Variants in LIMCH1 observed in about 807,000 individuals in gnomAD.
LIMCH1 encodes LIM and calponin homology domains-containing protein 1.
LIMCH1 carries 113 observed loss-of-function variants against 176.5 expected under a neutral mutation model. The ratio of observed to expected loss-of-function variants is 0.64; its 90% CI spans 0.55 to 0.75. The LOEUF is 0.75. Among genes scored for constraint, LIMCH1 ranks in the 30% least tolerant of loss-of-function variants. The probability of loss-of-function intolerance (pLI) is 0.00; values close to 1 mark genes in which losing one functional copy is unlikely to be tolerated. For missense variants in LIMCH1, 1,674 were observed against 1,814.9 expected (o/e 0.92, Z 1.41); for synonymous variants, 619 against 645.9 (o/e 0.96, Z 0.63).
chr4:41,431,006 G>A (rs1241668014), intron 1 of LIMCH1, among the ~76,000 whole-genome samples: 1 of 152,164 alleles, frequency 6.6e-6, no homozygotes, highest in Non-Finnish European at 1.5e-5. Flanking sequence ...ATTTAAAATA[G>A]CAGACATCTG....
At chr4:41,608,802 A>T (rs1191005922) in intron 4 of LIMCH1, among the ~76,000 whole-genome samples, 2 of 152,136 alleles carry the variant, frequency 1.3e-5, no homozygotes, top group Admixed American at 1.3e-4. Context: ...AAGAATATTA[A>T]GATTGAAGGG....
At chr4:41,564,001 C>T (rs1231216076) in intron 1 of LIMCH1, among the ~76,000 whole-genome samples, 1 of 152,152 alleles carries the variant, frequency 6.6e-6, no homozygotes, top group East Asian at 1.9e-4. Context: ...CTCTGTTTTA[C>T]ACTTCAGGAA....
At chr4:41,672,798 C>G (rs973063335) in intron 22 of LIMCH1, among the ~76,000 whole-genome samples, 2 of 152,146 alleles carry the variant, frequency 1.3e-5, no homozygotes, top group Non-Finnish European at 2.9e-5. Flanking sequence ...CATGAGCAAC[C>G]CTGGCTCAGC....
In LIMCH1 at chr4:41,671,567, C is replaced by T; in HGVS notation, c.3411C>T (p.Ser1137=). ...PNLNSQVDSP[S]SEKSPVMTPF... ...TTTTCTGTGCAGTGGATTCTCCAAGCAGTGAGAAGTCACCTGTTATGACAC... is the reference window on the plus strand; with the variant it reads ...TTTTCTGTGCAGTGGATTCTCCAAGTAGTGAGAAGTCACCTGTTATGACAC... The change falls in exon 22 of 32, where the codon AGC becomes AGT. Residue 1137 remains serine, a synonymous_variant. Coordinates refer to ENST00000503057, the MANE Select transcript of LIMCH1 (RefSeq NM_001330672.2). 2 of 1,604,648 alleles carry T rather than the reference C, an allele frequency of 1.2e-6. No individual in the cohort carries two copies. The highest frequency in any genetic ancestry group is 1.7e-6 in the Non-Finnish European group (2 of 1,171,744).
chr4:41,638,805 C>A lies in LIMCH1; in HGVS notation c.2091-127C>A, dbSNP rs984075127. On this transcript the variant is annotated intron_variant, in intron 13 of 31. Coordinates refer to ENST00000503057, the MANE Select transcript of LIMCH1 (RefSeq NM_001330672.2). The stretch of plus-strand genomic sequence containing the variant: ...TATTGCTAATTGTATAATGCCATTT[C>A]TCTTTCAGTATCTCAGCAAAAAAGG... 14 of 778,502 alleles carry A rather than the reference C, an allele frequency of 1.8e-5. No individual in the cohort carries two copies. The African/African-American group carries it at 2.4e-4, about 14-fold the overall frequency. 48.2% of individuals were successfully genotyped at this position (778,502 alleles called of 1,614,324 possible).
Position 41,698,979 on chromosome 4 carries a change from TAAAAATAA to T in LIMCH1, c.*1800_*1807del, listed in dbSNP as rs1732052921. On this transcript the variant is annotated 3_prime_UTR_variant, in exon 32 of 32. Transcript: ENST00000503057. ...GTGTTTGCTGTTTTACAGGAAAAAA[TAAAAATAA>T]AAAAAGAAAAAAAGAAAAAATTAAA... is the stretch of plus-strand genomic sequence containing the variant. The T allele has an allele frequency of 1.3e-5, 2 of 151,666 alleles. No homozygotes were observed. The highest frequency in any genetic ancestry group is 4.9e-5 in the African/African-American group (2 of 41,134). 9.4% of individuals were successfully genotyped at this position (151,666 alleles called of 1,614,324 possible).
intron 12 of LIMCH1, among the ~76,000 whole-genome samples, 176 bp downstream of exon 12, chr4:41,633,261 C>T (rs946563490): frequency 3.3e-5 from 5 of 152,044 alleles, no homozygotes; most frequent in African/African-American, 9.7e-5. Context: ...TTCTGGTGCC[C>T]GCTCTGGGTA....
intron 1 of LIMCH1, among the ~76,000 whole-genome samples, chr4:41,451,485 C>T (rs1405330224): frequency 2.0e-5 from 3 of 152,072 alleles, no homozygotes; most frequent in Non-Finnish European, 4.4e-5. Flanking sequence ...GCTCACAGAT[C>T]CCCCGTCCTG....
chr4:41,571,931 C>A (rs1449178623), intron 1 of LIMCH1, among the ~76,000 whole-genome samples: 1 of 152,114 alleles, frequency 6.6e-6, no homozygotes, highest in Non-Finnish European at 1.5e-5. Context: ...TGCCTTATAG[C>A]AAGCAGCCTT....
chr4:41,390,369 C>G (rs755080369), intron 1 of LIMCH1, among the ~76,000 whole-genome samples: 3 of 151,632 alleles, frequency 2.0e-5, no homozygotes, highest in Admixed American at 1.3e-4. Flanking sequence ...CTGTTTGTTT[C>G]TTCTGTGTTT....
chr4:41,394,490 G>T (rs2057591006), intron 1 of LIMCH1, among the ~76,000 whole-genome samples: 1 of 152,152 alleles, frequency 6.6e-6, no homozygotes, highest in South Asian at 2.1e-4. Context: ...TCTGCAAGCT[G>T]TAAAAGCTGT....
rs12108257 is a variant in LIMCH1 at position 41,597,846 on chromosome 4, A to C, written c.-240-1074A>C. Among the ~76,000 whole-genome samples the C allele has an allele frequency of 2.0e-5, 3 of 152,150 alleles. No homozygotes were observed. The East Asian group carries it at 5.8e-4, about 29-fold the overall frequency. On this transcript the variant is annotated intron_variant, in intron 1 of 31. Coordinates refer to ENST00000503057, the MANE Select transcript of LIMCH1 (RefSeq NM_001330672.2). ...CTTGCACTCAAGAAGAGGTGTGTACATTGGGGGCAGGATTCTTGGGGTTTA... is the reference window on the plus strand; with the variant it reads ...CTTGCACTCAAGAAGAGGTGTGTACCTTGGGGGCAGGATTCTTGGGGTTTA...
intron 19 of LIMCH1, 89 bp downstream of exon 19, chr4:41,661,599 C>A: frequency 2.0e-6 from 2 of 976,574 alleles, no homozygotes; most frequent in Non-Finnish European, 3.2e-6. Context: ...CCTACTGAGC[C>A]ACAGGAAAGT....
At chr4:41,650,193 C>T (rs796613700) in intron 17 of LIMCH1, among the ~76,000 whole-genome samples, 200 bp from the exon 18 acceptor site, 12 of 152,294 alleles carry the variant, frequency 7.9e-5, no homozygotes, top group African/African-American at 2.4e-4. Context: ...GGCCAACTAC[C>T]TTTTAAGGAG....
chr4:41,416,508 A>G (rs2154126988), intron 1 of LIMCH1, among the ~76,000 whole-genome samples: 1 of 151,704 alleles, frequency 6.6e-6, no homozygotes, highest in African/African-American at 2.4e-5. Context: ...AAAAAAAAAA[A>G]TTAGCTGGGT....
intron 1 of LIMCH1, among the ~76,000 whole-genome samples, chr4:41,471,380 G>A (rs571624648): frequency 1.3e-5 from 2 of 152,250 alleles, no homozygotes; most frequent in Admixed American, 1.3e-4. Flanking sequence ...GAGCTGGGTG[G>A]AACAATGCTT....
At chr4:41,467,744 A>G (rs938837552) in intron 1 of LIMCH1, among the ~76,000 whole-genome samples, 2 of 152,206 alleles carry the variant, frequency 1.3e-5, no homozygotes, top group East Asian at 1.9e-4. Flanking sequence ...TTATTTTCAC[A>G]CAAAAGATGA....
chr4:41,644,546 C>T lies in LIMCH1; in HGVS notation c.2173C>T (p.Gln725Ter). The part of the protein sequence containing the change: ...DMRCEEEAAV[Q>*]PHSRARQEQL... ...GCGGTGTGAGGAGGAGGCCGCGGTG[C>T]AGCCGCACAGCAGGGCCCGCCAGGA... Residue 725 changes from glutamine to a stop codon, truncating the protein, a stop_gained, in exon 15 of 32, where the codon CAG (glutamine) becomes TAG (stop). Coordinates refer to ENST00000503057, the MANE Select transcript of LIMCH1 (RefSeq NM_001330672.2). LOFTEE classifies it high-confidence loss of function. The T allele has an allele frequency of 6.2e-7, 1 of 1,601,926 alleles. No individual in the cohort carries two copies. Among genetic ancestry groups the T allele is most frequent in the Non-Finnish European group, 8.5e-7 (1 of 1,174,492 alleles).
intron 22 of LIMCH1, among the ~76,000 whole-genome samples, chr4:41,675,363 C>G (rs1454488889): frequency 6.6e-6 from 1 of 152,042 alleles, no homozygotes; most frequent in Non-Finnish European, 1.5e-5. Flanking sequence ...TAGGACTGAC[C>G]CTGTTCATCT....
Sources: gnomAD v4.1 joint callset for allele counts (sites outside exome capture counted in the v4.1 genomes callset) on GRCh38, gnomAD v4.1.1 for gene constraint, MANE v1.5 for transcripts, NCBI Gene and HGNC (gene_info 2026-07-23, HGNC 2026-07-21) for gene names.